The following SHISAL2B variants were observed in gnomAD, a reference collection of about 807,000 sequenced individuals.
The protein encoded by SHISAL2B is shisa like 2B.
SHISAL2B carries 12 observed loss-of-function variants against 16.5 expected under a neutral mutation model. The ratio of observed to expected loss-of-function variants is 0.73; its 90% CI spans 0.47 to 1.18. The LOEUF (loss-of-function observed/expected upper bound fraction) is 1.18, where lower values mean the gene tolerates loss of function less well. Ranked by LOEUF, SHISAL2B falls within the 50% of genes most tolerant of loss-of-function variation. The pLI is 0.00. For missense variants in SHISAL2B, 183 were observed against 193.6 expected, an observed-to-expected ratio of 0.95 and a Z score of 0.33; for synonymous variants, 72 against 75.0, an observed-to-expected ratio of 0.96 and a Z score of 0.21.
At chr5:64,700,918 T>C (rs1300157484) in intron 2 of SHISAL2B, among the ~76,000 whole-genome samples, 3 of 152,146 alleles carry the variant, frequency 2.0e-5, no homozygotes, top group African/African-American at 7.2e-5. Context: ...TCATGCTCCT[T>C]TGAGAGTCTA....
intron 2 of SHISAL2B, among the ~76,000 whole-genome samples, chr5:64,696,866 T>G (rs1315337267): frequency 6.6e-6 from 1 of 152,258 alleles, no homozygotes; most frequent in African/African-American, 2.4e-5. Flanking sequence ...GCTCTTTGCC[T>G]TATGATCTTT....
At chr5:64,707,645 G>A (rs1741892836) in intron 2 of SHISAL2B, among the ~76,000 whole-genome samples, 1 of 152,126 alleles carries the variant, frequency 6.6e-6, no homozygotes, top group Admixed American at 6.6e-5. Context: ...TCCAAATTCT[G>A]GAGAAATCAG....
chr5:64,715,765 A>G (rs1390068778), intron 2 of SHISAL2B, among the ~76,000 whole-genome samples: 1 of 152,236 alleles, frequency 6.6e-6, no homozygotes, highest in African/African-American at 2.4e-5. Context: ...TATTCTAAGC[A>G]CATTCCATGT....
chr5:64,696,335 T>TA (rs1174035010), intron 2 of SHISAL2B, among the ~76,000 whole-genome samples: 1 of 152,204 alleles, frequency 6.6e-6, no homozygotes, highest in Non-Finnish European at 1.5e-5. Flanking sequence ...AAATTGATTG[T>TA]AAAACATGTG....
intron 2 of SHISAL2B, among the ~76,000 whole-genome samples, chr5:64,703,639 C>A (rs1359680269): frequency 6.6e-6 from 1 of 152,138 alleles, no homozygotes; most frequent in East Asian, 1.9e-4. Flanking sequence ...TATCTGCTAA[C>A]TTCCTTTGTA....
At chr5:64,698,059 GTTTCTCCACT>G (rs1741763287) in intron 2 of SHISAL2B, among the ~76,000 whole-genome samples, 2 of 152,330 alleles carry the variant, frequency 1.3e-5, no homozygotes, top group Admixed American at 6.5e-5. Flanking sequence ...CTTAGGCCCA[GTTTCTCCACT>G]GGAAGTTGAT....
At chr5:64,703,928 C>T (rs907335730) in intron 2 of SHISAL2B, among the ~76,000 whole-genome samples, 3 of 152,194 alleles carry the variant, frequency 2.0e-5, no homozygotes, top group Non-Finnish European at 4.4e-5. Flanking sequence ...GTTTAGCTCA[C>T]ACCCAGTCCT....
chr5:64,695,036 G>A lies in SHISAL2B; in HGVS notation c.192-471G>A, dbSNP rs372958701. On this transcript the variant is annotated intron_variant, in intron 1 of 2. Transcript: ENST00000389074. Reference sequence around the variant, plus strand: ...TCCCAGCACTTTGGGAGGCCGAGGCGGGTGGATCGCCTGAGCTCAGGAGTT... The same window carrying A: ...TCCCAGCACTTTGGGAGGCCGAGGCAGGTGGATCGCCTGAGCTCAGGAGTT... 4.6e-5 allele frequency among the ~76,000 whole-genome samples: 7 copies of A among 152,206 alleles called. No individual in the cohort carries two copies. The East Asian group carries it at 9.7e-4, about 21-fold the overall frequency.
intron 2 of SHISAL2B, among the ~76,000 whole-genome samples, chr5:64,709,090 G>T (rs1179664343): frequency 1.3e-5 from 2 of 148,886 alleles, no homozygotes; most frequent in Non-Finnish European, 3.0e-5. Flanking sequence ...ACATTGTGCG[G>T]GTTAGTTACA....
chr5:64,692,897 G>A (rs1209460221), intron 1 of SHISAL2B, among the ~76,000 whole-genome samples: 2 of 152,190 alleles, frequency 1.3e-5, no homozygotes, highest in African/African-American at 2.4e-5. Context: ...GGCCATGCAC[G>A]AGTGGCTATT....
chr5:64,716,783 G>A (rs1742062176), intron 2 of SHISAL2B, among the ~76,000 whole-genome samples: 1 of 152,136 alleles, frequency 6.6e-6, no homozygotes, highest in South Asian at 2.1e-4. Context: ...AAAAAATGAA[G>A]TCAGAGGTTA....
chr5:64,718,032 C>T lies in SHISAL2B; in HGVS notation c.*10C>T. On this transcript the variant is annotated 3_prime_UTR_variant, in exon 3 of 3. Coordinates refer to ENST00000389074, the MANE Select transcript of SHISAL2B (RefSeq NM_001164442.2). ...CCACATTGCTTATTAACTAAAAATT[C>T]TGTGTTTTAAATGCTTACTGGAGAG... The T allele has an allele frequency of 6.7e-7, 1 of 1,493,988 alleles. No individual in the cohort carries two copies. Among genetic ancestry groups the T allele is most frequent in the Admixed American group, 2.8e-5 (1 of 36,316 alleles). The allele number at this position is 1,493,988 out of a possible 1,614,324, so 92.5% of individuals were successfully genotyped here.
intron 2 of SHISAL2B, among the ~76,000 whole-genome samples, chr5:64,696,743 C>T (rs897660592): frequency 6.6e-6 from 1 of 152,172 alleles, no homozygotes; most frequent in Non-Finnish European, 1.5e-5. Flanking sequence ...TCTCTGCTCT[C>T]GAACCCTGTT....
chr5:64,700,890 C>T lies in SHISAL2B; in HGVS notation c.349+5226C>T, dbSNP rs547176956. Reference sequence around the variant, plus strand: ...AAGCACAACCTAGATCCCTCACATGCGCAGTTCACAATAGGGTTCATGCTC... The same window carrying T: ...AAGCACAACCTAGATCCCTCACATGTGCAGTTCACAATAGGGTTCATGCTC... On this transcript the variant is annotated intron_variant, in intron 2 of 2. Coordinates refer to ENST00000389074, the MANE Select transcript of SHISAL2B (RefSeq NM_001164442.2). 4.6e-5 allele frequency among the ~76,000 whole-genome samples: 7 copies of T among 152,298 alleles called. No individual in the cohort carries two copies. The South Asian group carries it at 1.0e-3, about 23-fold the overall frequency.
chr5:64,716,381 A>G (rs548187221), intron 2 of SHISAL2B, among the ~76,000 whole-genome samples: 2 of 152,354 alleles, frequency 1.3e-5, no homozygotes, highest in East Asian at 3.9e-4. Context: ...TGTGCAAGGC[A>G]TTTTTATAGA....
intron 1 of SHISAL2B, chr5:64,694,040 T>C (rs183640382): frequency 5.3e-5 from 24 of 454,152 alleles, no homozygotes; most frequent in Non-Finnish European, 9.3e-5. Flanking sequence ...GCAACAATGC[T>C]CCTGGCATCC....
At chr5:64,714,290 T>C (rs1208465298) in intron 2 of SHISAL2B, among the ~76,000 whole-genome samples, 1 of 141,480 alleles carries the variant, frequency 7.1e-6, no homozygotes, top group Non-Finnish European at 1.5e-5. Flanking sequence ...TCTGTTGGAA[T>C]ACCCTGCAGT....
chr5:64,716,511 A>C (rs965001526), intron 2 of SHISAL2B, among the ~76,000 whole-genome samples: 1 of 152,178 alleles, frequency 6.6e-6, no homozygotes, highest in African/African-American at 2.4e-5. Flanking sequence ...TTAGTTAATA[A>C]GTGCTTTGGG....
chr5:64,701,417 C>T (rs1741807928), intron 2 of SHISAL2B, among the ~76,000 whole-genome samples: 3 of 152,094 alleles, frequency 2.0e-5, no homozygotes, highest in African/African-American at 7.2e-5. Context: ...TAATGACTTG[C>T]TTTACTCTAA....
Sources: allele counts gnomAD v4.1 joint callset (sites outside exome capture counted in the v4.1 genomes callset), GRCh38; gene constraint gnomAD v4.1.1; transcripts MANE v1.5; gene names NCBI Gene and HGNC (gene_info 2026-07-23, HGNC 2026-07-21).